Variants in ZNF184 observed in about 807,000 individuals in gnomAD.
The protein encoded by ZNF184 is zinc finger protein 184, also known as zinc finger protein 184 (Kruppel-like).
In ZNF184, 16 loss-of-function variants were observed where a neutral mutation model predicts 54.4. The ratio of observed to expected loss-of-function variants is 0.29; its 90% confidence interval spans 0.20 to 0.45. The LOEUF (loss-of-function observed/expected upper bound fraction) is 0.45, where lower values mean the gene tolerates loss of function less well. ZNF184 is among the 20% of genes least tolerant of loss of function. ZNF184 has a pLI of 1.00. For missense variants in ZNF184, 681 were observed against 888.2 expected, an observed-to-expected ratio of 0.77 and a Z score of 2.97; for synonymous variants, 254 against 295.3, an observed-to-expected ratio of 0.86 and a Z score of 1.43.
the ZNF184 span, among the ~76,000 whole-genome samples, chr6:27,421,873 C>T: frequency 2.6e-5 from 4 of 151,990 alleles, no homozygotes; most frequent in Admixed American, 2.6e-4. Context: ...AATTTGAGAC[C>T]AGCATGGGCA....
At chr6:27,439,007 C>T in the ZNF184 span, among the ~76,000 whole-genome samples, 28 of 152,074 alleles carry the variant, frequency 1.8e-4, 1 homozygote, top group Admixed American at 4.6e-4. Context: ...GCCAAAACTT[C>T]GTTATTTCAT....
Position 27,452,225 on chromosome 6 carries a change from G to A in ZNF184, c.1334C>T (p.Pro445Leu), listed in dbSNP as rs775610090. ...TTTTCCACATTCTGCACAATCATAG[G>A]GTTTCTCCCCAGTATGAGTTTTTTG... ...QHQKTHTGEK[P>L]YDCAECGKSF... is the part of the protein sequence containing the mutation. The change falls in exon 6 of 6, where the codon CCC becomes CTC. Residue 445 changes from proline to leucine, a missense_variant. Transcript: ENST00000683788. This position sits in a 1 kb window ranked among gnomAD's most constrained non-coding sequence, Gnocchi z 5.5. The A allele has an allele frequency of 6.2e-7, 1 of 1,614,042 alleles. No homozygotes were observed. The highest frequency in any genetic ancestry group is 8.5e-7 in the Non-Finnish European group (1 of 1,179,996).
At chr6:27,434,286 C>T in the ZNF184 span, among the ~76,000 whole-genome samples, 6 of 152,170 alleles carry the variant, frequency 3.9e-5, no homozygotes, top group African/African-American at 1.4e-4. Context: ...ATTTTACATT[C>T]CTACCAACAA....
chr6:27,404,062 A>C, the ZNF184 span: 2 of 152,236 alleles, frequency 1.3e-5, no homozygotes, highest in Non-Finnish European at 2.9e-5. Flanking sequence ...GTGTGTAAAA[A>C]AATGACTCAA....
At chr6:27,470,961 A>G (rs1272853057) in intron 2 of ZNF184, among the ~76,000 whole-genome samples, 2 of 152,206 alleles carry the variant, frequency 1.3e-5, no homozygotes, top group African/African-American at 4.8e-5. Context: ...AAAATTGAAG[A>G]AAAGTATGGA....
intron 3 of ZNF184, among the ~76,000 whole-genome samples, chr6:27,459,747 A>G (rs1427483686): frequency 6.6e-6 from 1 of 152,248 alleles, no homozygotes; most frequent in Non-Finnish European, 1.5e-5. Flanking sequence ...GAAGGAAAAA[A>G]AATCAAACTT....
the ZNF184 span, among the ~76,000 whole-genome samples, chr6:27,407,211 G>C: frequency 1.3e-5 from 2 of 152,318 alleles, no homozygotes; most frequent in South Asian, 2.1e-4. Context: ...GAACACTTGT[G>C]GGGGACGTAG....
chr6:27,423,672 C>T, the ZNF184 span, among the ~76,000 whole-genome samples: 1 of 151,890 alleles, frequency 6.6e-6, no homozygotes, highest in Admixed American at 6.6e-5. Context: ...TCAGATCATC[C>T]CTGGGCATGT....
chr6:27,472,203 G>T lies in ZNF184; in HGVS notation c.7+85C>A, dbSNP rs996076233. On this transcript the variant is annotated intron_variant, in intron 2 of 5. Coordinates refer to ENST00000683788, the MANE Select transcript of ZNF184 (RefSeq NM_001318891.2). This position sits in a 1 kb window ranked among gnomAD's most constrained non-coding sequence, Gnocchi z 4.8. ...ACCGTTCCTTCCTTCCAAATCTCCT[G>T]CTCTGATCTCAAGTATTTGATACTC... The T allele has an allele frequency of 1.1e-5, 17 of 1,568,374 alleles. No individual in the cohort carries two copies. Among genetic ancestry groups the T allele is most frequent in the Non-Finnish European group, 1.5e-5 (17 of 1,143,666 alleles).
chr6:27,407,545 T>G, the ZNF184 span, among the ~76,000 whole-genome samples: 1 of 152,214 alleles, frequency 6.6e-6, no homozygotes, highest in Non-Finnish European at 1.5e-5. Flanking sequence ...ATGCACAGTG[T>G]CAGCAGGACA....
At chr6:27,425,131 C>CTTG in the ZNF184 span, among the ~76,000 whole-genome samples, 1 of 152,216 alleles carries the variant, frequency 6.6e-6, no homozygotes, top group African/African-American at 2.4e-5. Context: ...GCGCGGGGCC[C>CTTG]GCCAAGCCCA....
the ZNF184 span, among the ~76,000 whole-genome samples, chr6:27,426,015 T>C: frequency 6.6e-6 from 1 of 152,216 alleles, no homozygotes; most frequent in Non-Finnish European, 1.5e-5. The surrounding 1 kb of genome is among the most constrained non-coding windows in gnomAD (Gnocchi z 4.2). Context: ...TACAGGTTTC[T>C]AAAACCACAT....
intron 4 of ZNF184, 81 bp from the exon 5 acceptor site, chr6:27,457,002 A>C: frequency 1.5e-6 from 2 of 1,318,260 alleles, no homozygotes; most frequent in South Asian, 2.5e-5. Context: ...CTTTGTCTTT[A>C]GAAGAAATGA....
At chr6:27,422,786 G>A in the ZNF184 span, among the ~76,000 whole-genome samples, 1 of 152,134 alleles carries the variant, frequency 6.6e-6, no homozygotes, top group African/African-American at 2.4e-5. Flanking sequence ...GATACACTGA[G>A]CTGCACTTTT....
Position 27,472,592 on chromosome 6 carries a change from G to T in ZNF184, c.-140+137C>A. On this transcript the variant is annotated intron_variant, in intron 1 of 5. Transcript: ENST00000683788. The surrounding 1 kb of genome is among the most constrained non-coding windows in gnomAD (Gnocchi z 4.8). ...ACAAAACAGAGTGGAGATCGGGTAC[G>T]CGGGTTCTGCTTCAGATCCAAAAAA... 2.6e-6 allele frequency: 1 copy of T among 390,754 alleles called. No homozygotes were observed. The highest frequency in any genetic ancestry group is 4.7e-6 in the Non-Finnish European group (1 of 211,560). 24.2% of individuals were successfully genotyped at this position (390,754 alleles called of 1,614,324 possible).
chr6:27,450,698 G>A (rs900725402), downstream of ZNF184: 2 of 151,680 alleles, frequency 1.3e-5, no homozygotes, highest in East Asian at 3.9e-4. Context: ...TGTAGAAGTG[G>A]AATTCTATAG....
the ZNF184 span, among the ~76,000 whole-genome samples, chr6:27,424,784 G>GGCTGCAGGTGGA: frequency 6.6e-6 from 1 of 152,236 alleles, no homozygotes; most frequent in Non-Finnish European, 1.5e-5. Flanking sequence ...CCCGCGCTGG[G>GGCTGCAGGTGGA]GCTGCAGGTG....
At chr6:27,431,818 G>A in the ZNF184 span, among the ~76,000 whole-genome samples, 1 of 152,234 alleles carries the variant, frequency 6.6e-6, no homozygotes, top group East Asian at 1.9e-4. Flanking sequence ...GGGGTGCTGG[G>A]ATGGCACCCC....
the ZNF184 span, among the ~76,000 whole-genome samples, chr6:27,422,998 C>T: frequency 1.3e-5 from 2 of 152,326 alleles, no homozygotes; most frequent in Middle Eastern, 3.4e-3. Context: ...GGTCCCTTCT[C>T]CCAAAGTAGA....
Sources: allele counts gnomAD v4.1 joint callset (sites outside exome capture counted in the v4.1 genomes callset), GRCh38; gene constraint gnomAD v4.1.1; non-coding constraint Gnocchi (gnomAD v3.1); transcripts MANE v1.5; gene names NCBI Gene and HGNC (gene_info 2026-07-23, HGNC 2026-07-21).